TPD52L1: variants seen among roughly 807,000 people sequenced by gnomAD.
The protein encoded by TPD52L1 is tumor protein D53.
TPD52L1 carries 18 observed loss-of-function variants against 28.7 expected under a neutral mutation model. That is an observed-to-expected ratio of 0.63 (90% confidence interval 0.43 to 0.93). TPD52L1 has a LOEUF of 0.93. Ranked by LOEUF, TPD52L1 falls within the 40% of genes least tolerant of loss-of-function variation. The pLI, the probability that TPD52L1 is intolerant of heterozygous loss-of-function variation, is 0.00. For synonymous variants in TPD52L1, 75 were observed against 88.8 expected (o/e 0.84, Z 0.88); for missense variants, 203 against 254.8 (o/e 0.80, Z 1.39).
At chr6:125,159,411 A>G (rs957147888) in intron 1 of TPD52L1, among the ~76,000 whole-genome samples, 18 of 152,166 alleles carry the variant, frequency 1.2e-4, no homozygotes, top group African/African-American at 4.1e-4. Context: ...AAATGTCATA[A>G]ATTTAGTTAC....
intron 2 of TPD52L1, among the ~76,000 whole-genome samples, chr6:125,224,815 G>T (rs567573992): frequency 6.6e-6 from 1 of 152,290 alleles, no homozygotes; most frequent in East Asian, 1.9e-4. Flanking sequence ...ATTTCATACT[G>T]AAGCTAATTC....
intron 2 of TPD52L1, among the ~76,000 whole-genome samples, chr6:125,222,702 C>T (rs1795325276): frequency 6.6e-6 from 1 of 152,188 alleles, no homozygotes; most frequent in Admixed American, 6.5e-5. Context: ...ACCTAGGCAG[C>T]TGTAACCTGT....
chr6:125,154,170 TG>T, intron 1 of TPD52L1, 200 bp downstream of exon 1: 1 of 1,373,152 alleles, frequency 7.3e-7, no homozygotes, highest in Non-Finnish European at 9.4e-7. Context: ...ATCAATAAAG[TG>T]ACAGGGGATC....
intron 4 of TPD52L1, among the ~76,000 whole-genome samples, chr6:125,249,827 CA>C (rs1290850803): frequency 6.6e-6 from 1 of 151,838 alleles, no homozygotes; most frequent in Non-Finnish European, 1.5e-5. Flanking sequence ...GGACTGTCCA[CA>C]ATATTCATTC....
At chr6:125,211,051 T>A (rs1311951310) in intron 1 of TPD52L1, among the ~76,000 whole-genome samples, 1 of 152,174 alleles carries the variant, frequency 6.6e-6, no homozygotes, top group Non-Finnish European at 1.5e-5. Context: ...ATTAGTCAGG[T>A]AAAGACACTT....
At chr6:125,191,012 A>G (rs142040771) in intron 1 of TPD52L1, among the ~76,000 whole-genome samples, 2 of 152,040 alleles carry the variant, frequency 1.3e-5, no homozygotes, top group Admixed American at 6.5e-5. Flanking sequence ...GGCACCATCT[A>G]CTCTTGTTGT....
chr6:125,250,407 A>G lies in TPD52L1; in HGVS notation c.386+2024A>G, dbSNP rs116213154. On this transcript the variant is annotated intron_variant, in intron 4 of 6. Transcript: ENST00000534000. ...GAGGAAGACAGACATAGCTTAGCTC[A>G]CCTGTATCTGGGGTTTTCACTAATA... Among the ~76,000 whole-genome samples, 584 of 152,338 alleles carry G rather than the reference A, an allele frequency of 3.8e-3. 3 individuals carry two copies. Among genetic ancestry groups the G allele is most frequent in the African/African-American group, 0.013 (555 of 41,580 alleles).
At chr6:125,251,371 C>G (rs1033683914) in intron 4 of TPD52L1, among the ~76,000 whole-genome samples, 5 of 152,112 alleles carry the variant, frequency 3.3e-5, no homozygotes, top group African/African-American at 1.2e-4. Flanking sequence ...GGAAGAACAA[C>G]AGTACCTCTC....
chr6:125,201,734 C>T (rs1377532573), intron 1 of TPD52L1, among the ~76,000 whole-genome samples: 1 of 152,188 alleles, frequency 6.6e-6, no homozygotes, highest in Non-Finnish European at 1.5e-5. Context: ...AGTGTCTTTT[C>T]ATATTTCATC....
chr6:125,183,561 G>A (rs926598185), intron 1 of TPD52L1, among the ~76,000 whole-genome samples: 1 of 152,212 alleles, frequency 6.6e-6, no homozygotes, highest in Non-Finnish European at 1.5e-5. Context: ...AGAGTGCCCA[G>A]TCCGTGAAGG....
intron 3 of TPD52L1, among the ~76,000 whole-genome samples, chr6:125,240,535 C>T (rs1243094105): frequency 2.0e-5 from 3 of 152,064 alleles, no homozygotes; most frequent in Non-Finnish European, 4.4e-5. Context: ...GTATCTTTCA[C>T]CTACTTGGTT....
intron 1 of TPD52L1, among the ~76,000 whole-genome samples, chr6:125,207,967 A>G (rs1303085173): frequency 2.0e-5 from 3 of 152,232 alleles, no homozygotes. Context: ...TGCAGTTAAA[A>G]AGAAACACAC....
rs1449485131 is a variant in TPD52L1, at chr6:125,252,077, C to T, written c.387-1640C>T. The T allele has an allele frequency of 3.9e-6, 6 of 1,535,488 alleles. No individual in the cohort carries two copies. In the Admixed American group the frequency reaches 1.2e-4, roughly 30 times the overall value. ...CTGCGTGTGGGGCTTTCCCCACTCC[C>T]TTGCTGCCCCTTTGCTTTCCAGGGC... On this transcript the variant is annotated intron_variant, in intron 4 of 6. Coordinates refer to ENST00000534000, the MANE Select transcript of TPD52L1 (RefSeq NM_003287.4).
At chr6:125,184,230 C>CT (rs1234172801) in intron 1 of TPD52L1, among the ~76,000 whole-genome samples, 1 of 152,212 alleles carries the variant, frequency 6.6e-6, no homozygotes, top group Non-Finnish European at 1.5e-5. Context: ...CAGGAAGGCA[C>CT]TGCCATCAGG....
At chr6:125,216,529 GTATATATATA>G (rs56135453) in intron 1 of TPD52L1, among the ~76,000 whole-genome samples, 1,221 of 69,038 alleles carry the variant, frequency 0.018, 15 homozygotes, top group Middle Eastern at 0.064. Context: ...GTATGTGTGT[GTATATATATA>G]TATATATATA....
At chr6:125,214,122 G>A (rs2114941257) in intron 1 of TPD52L1, among the ~76,000 whole-genome samples, 1 of 152,242 alleles carries the variant, frequency 6.6e-6, no homozygotes, top group South Asian at 2.1e-4. Flanking sequence ...TGGCAGGGAG[G>A]GAGACAGGCA....
chr6:125,225,015 C>A (rs1301408756), intron 2 of TPD52L1, among the ~76,000 whole-genome samples: 4 of 152,204 alleles, frequency 2.6e-5, no homozygotes, highest in Non-Finnish European at 5.9e-5. Flanking sequence ...TTTCCCACTT[C>A]CCAGCCTCTG....
At chr6:125,195,421 T>C (rs1290778680) in intron 1 of TPD52L1, among the ~76,000 whole-genome samples, 2 of 152,232 alleles carry the variant, frequency 1.3e-5, no homozygotes, top group African/African-American at 2.4e-5. Context: ...ATTTTCACAC[T>C]GGGTACATTG....
At chr6:125,203,005 A>G (rs988061328) in intron 1 of TPD52L1, among the ~76,000 whole-genome samples, 2 of 151,896 alleles carry the variant, frequency 1.3e-5, no homozygotes, top group Non-Finnish European at 1.5e-5. Context: ...ACCTCAGGTG[A>G]TCCACCCACC....
Sources: allele counts gnomAD v4.1 joint callset (sites outside exome capture counted in the v4.1 genomes callset), GRCh38; gene constraint gnomAD v4.1.1; transcripts MANE v1.5; gene names NCBI Gene and HGNC (gene_info 2026-07-23, HGNC 2026-07-21).